Variants in DSTN observed in about 807,000 individuals in gnomAD.
DSTN encodes destrin, actin depolymerizing factor.
A neutral mutation model predicts 16.8 loss-of-function variants in DSTN; 10 were observed. The observed-to-expected ratio is 0.60, with a 90% CI of 0.37 to 1.01. The LOEUF is 1.01. Ranked by LOEUF, DSTN falls within the 50% of genes least tolerant of loss-of-function variation. The pLI, the probability that DSTN is intolerant of heterozygous loss-of-function variation, is 0.01. For synonymous variants in DSTN, 57 were observed against 58.9 expected, an observed-to-expected ratio of 0.97 and a Z score of 0.14; for missense variants, 141 against 196.7, an observed-to-expected ratio of 0.72 and a Z score of 1.69.
intron 1 of DSTN, among the ~76,000 whole-genome samples, chr20:17,594,328 C>T (rs1324287131): frequency 6.6e-6 from 1 of 151,760 alleles, no homozygotes; most frequent in African/African-American, 2.4e-5. Flanking sequence ...CACGCAGAGT[C>T]CAGAAGGGTT....
intron 1 of DSTN, among the ~76,000 whole-genome samples, chr20:17,587,645 T>TC (rs1481192770): frequency 6.6e-6 from 1 of 152,166 alleles, no homozygotes; most frequent in Non-Finnish European, 1.5e-5. Context: ...CTTTTTTTTT[T>TC]CTTTTTTTCT....
chr20:17,583,624 A>C (rs544657100), intron 1 of DSTN, among the ~76,000 whole-genome samples: 2 of 151,498 alleles, frequency 1.3e-5, no homozygotes, highest in African/African-American at 4.8e-5. Context: ...CATTTATACA[A>C]AATGTCCAGA....
At position 17,584,438 on chromosome 20, in the gene DSTN, T is replaced by A. The variant is rs189079442; in HGVS notation, c.3+14227T>A. 2.1e-3 allele frequency among the ~76,000 whole-genome samples: 319 copies of A among 152,014 alleles called. 1 individual carries two copies. The highest frequency in any genetic ancestry group is 7.5e-3 in the African/African-American group (312 of 41,448). ...GCTGAGGCAGGCGGATCACCTGAGGTTGGGAGTTCGAGACCAGCCTGACCA... is the reference window on the plus strand; with the variant it reads ...GCTGAGGCAGGCGGATCACCTGAGGATGGGAGTTCGAGACCAGCCTGACCA... On this transcript the variant is annotated intron_variant, in intron 1 of 3. Transcript: ENST00000246069.
chr20:17,597,610 C>G (rs556932846), intron 1 of DSTN, among the ~76,000 whole-genome samples: 22 of 152,320 alleles, frequency 1.4e-4, no homozygotes, highest in Admixed American at 3.9e-4. Context: ...CCTCCCCTGG[C>G]TCTCCATTGT....
At chr20:17,581,298 TAGAG>T (rs758187485) in intron 1 of DSTN, among the ~76,000 whole-genome samples, 9 of 152,020 alleles carry the variant, frequency 5.9e-5, no homozygotes, top group Non-Finnish European at 1.2e-4. Context: ...CTGGGCAACA[TAGAG>T]AGAACCCGTC....
intron 2 of DSTN, among the ~76,000 whole-genome samples, chr20:17,601,880 G>A (rs539084500): frequency 3.9e-5 from 6 of 151,966 alleles, no homozygotes; most frequent in South Asian, 2.1e-4. Flanking sequence ...ATATGGCCAG[G>A]AGTAGAATTC....
intron 1 of DSTN, among the ~76,000 whole-genome samples, chr20:17,586,794 C>T (rs1325152137): frequency 6.6e-6 from 1 of 152,052 alleles, no homozygotes; most frequent in East Asian, 1.9e-4. Context: ...CATGGAAGGC[C>T]TTATGTGTGT....
intron 1 of DSTN, among the ~76,000 whole-genome samples, chr20:17,593,891 C>G (rs2035497132): frequency 6.6e-6 from 1 of 150,890 alleles, no homozygotes; most frequent in Non-Finnish European, 1.5e-5. Context: ...CCAGCTTGGA[C>G]AACATAGTGG....
chr20:17,575,577 T>A (rs747359924), intron 1 of DSTN, among the ~76,000 whole-genome samples: 4 of 151,898 alleles, frequency 2.6e-5, no homozygotes, highest in Non-Finnish European at 5.9e-5. Flanking sequence ...GTCCTCTACC[T>A]CAGCCTCCTG....
intron 1 of DSTN, chr20:17,596,854 T>G (rs1276561513): frequency 8.3e-6 from 8 of 959,428 alleles, no homozygotes; most frequent in Non-Finnish European, 6.2e-6. Context: ...CACATTTACT[T>G]TGTTTTTGAT....
At chr20:17,594,707 C>G (rs998743512) in intron 1 of DSTN, among the ~76,000 whole-genome samples, 1 of 152,172 alleles carries the variant, frequency 6.6e-6, no homozygotes, top group East Asian at 1.9e-4. Flanking sequence ...TCCTCTGCAG[C>G]CACTTGAGGA....
intron 1 of DSTN, among the ~76,000 whole-genome samples, chr20:17,592,429 CAAA>C (rs35327345): frequency 2.0e-4 from 22 of 109,506 alleles, no homozygotes; most frequent in East Asian, 4.9e-4. Flanking sequence ...GACCTTGTCT[CAAA>C]AAAAAAAAAA....
rs578243798 is a variant in DSTN at position 17,602,825 on chromosome 20, GACCATCCTGGCCAACCAACAT to G, written c.312-1729_312-1709del. ...GCAGATCACGAGGTCAAGAGATCGA[GACCATCCTGGCCAACCAACAT>G]GGTGCAACCCCATCTCTACTAAAAT... On this transcript the variant is annotated intron_variant, in intron 2 of 3. Coordinates refer to ENST00000246069, the MANE Select transcript of DSTN (RefSeq NM_006870.4). Among the ~76,000 whole-genome samples the G allele has an allele frequency of 1.1e-4, 17 of 152,206 alleles. No homozygotes were observed. In the South Asian group the frequency reaches 3.5e-3, roughly 32 times the overall value.
intron 1 of DSTN, among the ~76,000 whole-genome samples, chr20:17,574,419 C>G (rs1235972334): frequency 1.3e-5 from 2 of 152,120 alleles, no homozygotes; most frequent in Non-Finnish European, 2.9e-5. Context: ...TTGCCAAGGG[C>G]TGTGGAGATT....
In DSTN at chr20:17,570,402, C is replaced by G. The variant is rs8119836; in HGVS notation, c.3+191C>G. On this transcript the variant is annotated intron_variant, in intron 1 of 3. Transcript: ENST00000246069. Reference sequence around the variant, plus strand: ...CGTCTCCCGCCGTCCTGGCTGGGCCCCCGCGCCCCGGGGTGGATCCGCGGC... The same window carrying G: ...CGTCTCCCGCCGTCCTGGCTGGGCCGCCGCGCCCCGGGGTGGATCCGCGGC... Among the ~76,000 whole-genome samples, 405 of 152,288 alleles carry G rather than the reference C, an allele frequency of 2.7e-3. 2 individuals carry two copies. Among genetic ancestry groups the G allele is most frequent in the African/African-American group, 8.8e-3 (366 of 41,562 alleles).
At chr20:17,574,865 C>CTTTTGT (rs2035257478) in intron 1 of DSTN, among the ~76,000 whole-genome samples, 1 of 64,254 alleles carries the variant, frequency 1.6e-5, no homozygotes, top group Admixed American at 1.8e-4. Flanking sequence ...CTTTTCTTTT[C>CTTTTGT]TTTTGTTTTT....
At chr20:17,585,265 A>G (rs1006152886) in intron 1 of DSTN, among the ~76,000 whole-genome samples, 2 of 152,164 alleles carry the variant, frequency 1.3e-5, no homozygotes, top group African/African-American at 2.4e-5. Flanking sequence ...CTTGGGAGTG[A>G]TAGGAGATTT....
chr20:17,574,878 T>TTTG, intron 1 of DSTN, among the ~76,000 whole-genome samples: 1 of 130,778 alleles, frequency 7.6e-6, no homozygotes, highest in African/African-American at 2.9e-5. Flanking sequence ...TTGTTTTTTT[T>TTTG]TTTTTTTTTT....
At chr20:17,570,471 T>C (rs1417754010) in intron 1 of DSTN, among the ~76,000 whole-genome samples, 5 of 152,184 alleles carry the variant, frequency 3.3e-5, no homozygotes, top group Non-Finnish European at 7.3e-5. Context: ...GCCCTGAGCG[T>C]GGCCTCTGCG....
Sources: allele counts gnomAD v4.1 joint callset (sites outside exome capture counted in the v4.1 genomes callset), GRCh38; gene constraint gnomAD v4.1.1; transcripts MANE v1.5; gene names NCBI Gene and HGNC (gene_info 2026-07-23, HGNC 2026-07-21).